The following TBC1D22A variants were observed in gnomAD, a reference collection of about 807,000 sequenced individuals.
The protein encoded by TBC1D22A is TBC1 domain family member 22A.
A neutral mutation model predicts 60.2 loss-of-function variants in TBC1D22A; 38 were observed. The observed-to-expected ratio is 0.63, with a 90% CI of 0.49 to 0.83. The LOEUF (loss-of-function observed/expected upper bound fraction) is 0.83. Ranked by LOEUF, TBC1D22A falls within the 40% of genes least tolerant of loss-of-function variation. The probability of loss-of-function intolerance (pLI) is 0.00; values close to 1 mark genes in which losing one functional copy is unlikely to be tolerated. For missense variants in TBC1D22A, 628 were observed against 701.0 expected, an observed-to-expected ratio of 0.90 and a Z score of 1.18; for synonymous variants, 302 against 281.7, an observed-to-expected ratio of 1.07 and a Z score of -0.72.
rs891102265 is a variant in TBC1D22A at position 47,140,298 on chromosome 22, G to A, written c.1425+28695G>A. On this transcript the variant is annotated intron_variant, in intron 12 of 12. Coordinates refer to ENST00000337137, the MANE Select transcript of TBC1D22A (RefSeq NM_014346.5). ...GTGAAAATGCTACTGTGGGCCGGGC[G>A]TGGTGGCTCACGCCTGTAATCCCAG... is the stretch of plus-strand genomic sequence containing the variant. 3.9e-5 allele frequency among the ~76,000 whole-genome samples: 6 copies of A among 152,126 alleles called. No homozygotes were observed. In the East Asian group the frequency reaches 7.7e-4, roughly 20 times the overall value.
rs138749582 is a variant in TBC1D22A, at chr22:47,174,019, C to T, written c.*393C>T. The T allele has an allele frequency of 5.3e-6, 1 of 188,798 alleles. No homozygotes were observed. Among genetic ancestry groups the T allele is most frequent in the East Asian group, 1.5e-4 (1 of 6,822 alleles). 11.7% of individuals were successfully genotyped at this position (188,798 alleles called of 1,614,324 possible). A position where few individuals can be genotyped will look rare whatever the true frequency, so the allele number is the denominator to read the frequency against. Reference sequence around the variant, plus strand: ...AGGGCCGGAACGAGGTAGTGGCCATCTCATACCTACTCTGAAATGCAAAAC... The same window carrying T: ...AGGGCCGGAACGAGGTAGTGGCCATTTCATACCTACTCTGAAATGCAAAAC... On this transcript the variant is annotated 3_prime_UTR_variant, in exon 13 of 13. Coordinates refer to ENST00000337137, the MANE Select transcript of TBC1D22A (RefSeq NM_014346.5).
At chr22:46,993,408 A>G (rs1195471203) in intron 9 of TBC1D22A, among the ~76,000 whole-genome samples, 1 of 152,204 alleles carries the variant, frequency 6.6e-6, no homozygotes, top group Non-Finnish European at 1.5e-5. Context: ...ATCCTTTTTT[A>G]AAGATACCAG....
At chr22:46,905,976 G>T (rs1008447412) in intron 7 of TBC1D22A, among the ~76,000 whole-genome samples, 1 of 152,184 alleles carries the variant, frequency 6.6e-6, no homozygotes, top group Non-Finnish European at 1.5e-5. Flanking sequence ...TGGGATGGCT[G>T]CCCCTTTTGC....
chr22:46,891,630 G>C (rs1033057212), intron 6 of TBC1D22A, among the ~76,000 whole-genome samples: 4 of 152,196 alleles, frequency 2.6e-5, no homozygotes, highest in Non-Finnish European at 4.4e-5. Flanking sequence ...AGTAAAAAGA[G>C]TATTTTAAAT....
chr22:47,157,549 C>A (rs2067774537), intron 12 of TBC1D22A, among the ~76,000 whole-genome samples: 1 of 152,230 alleles, frequency 6.6e-6, no homozygotes, highest in Admixed American at 6.5e-5. Flanking sequence ...TGCACCTGGC[C>A]TCGCAGGACG....
rs574768362 is a variant in TBC1D22A at position 47,159,379 on chromosome 22, A to G, written c.1426-14119A>G. Among the ~76,000 whole-genome samples, 576 of 151,714 alleles carry G rather than the reference A, an allele frequency of 3.8e-3. 9 individuals carry two copies. Among genetic ancestry groups the G allele is most frequent in the African/African-American group, 0.013 (542 of 41,200 alleles). ...AAAGCACATACACTCATGTATACAC[A>G]CAGACACACCACACACCACACTCTC... On this transcript the variant is annotated intron_variant, in intron 12 of 12. Coordinates refer to ENST00000337137, the MANE Select transcript of TBC1D22A (RefSeq NM_014346.5).
chr22:47,127,249 A>G (rs1301486862), intron 12 of TBC1D22A, among the ~76,000 whole-genome samples: 1 of 128,726 alleles, frequency 7.8e-6, no homozygotes, highest in African/African-American at 3.0e-5. Flanking sequence ...TTTTTTTGAG[A>G]CAGAGTCTTG....
At chr22:46,956,653 G>A (rs547569877) in intron 8 of TBC1D22A, among the ~76,000 whole-genome samples, 7 of 152,284 alleles carry the variant, frequency 4.6e-5, no homozygotes, top group South Asian at 2.1e-4. Flanking sequence ...AGTGCGTCTC[G>A]TGTGGTGTGT....
At chr22:46,826,781 C>T (rs1258363495) in intron 4 of TBC1D22A, among the ~76,000 whole-genome samples, 1 of 151,920 alleles carries the variant, frequency 6.6e-6, no homozygotes, top group Admixed American at 6.5e-5. Flanking sequence ...ACTGGACAAT[C>T]CCATAGCACC....
intron 4 of TBC1D22A, among the ~76,000 whole-genome samples, chr22:46,821,194 C>G (rs1435982012): frequency 6.6e-6 from 1 of 151,824 alleles, no homozygotes; most frequent in African/African-American, 2.4e-5. Context: ...ATCCAGTTTG[C>G]CAGTCTGTGT....
intron 8 of TBC1D22A, among the ~76,000 whole-genome samples, chr22:46,937,247 C>T (rs1416134320): frequency 6.6e-6 from 1 of 152,134 alleles, no homozygotes; most frequent in African/African-American, 2.4e-5. Context: ...GCATTCTAGC[C>T]TGCAGTTACC....
At position 47,173,740 on chromosome 22, in the gene TBC1D22A, G is replaced by T; in HGVS notation, c.*114G>T. ...GGCTGCTAAAAGGCCTTGTGAGGTG[G>T]CCCCACCCTCCAGGGGAGCTGGTGA... On this transcript the variant is annotated 3_prime_UTR_variant, in exon 13 of 13. Transcript: ENST00000337137. 6.6e-7 allele frequency: 1 copy of T among 1,505,108 alleles called. No homozygotes were observed. The highest frequency in any genetic ancestry group is 1.2e-5 in the South Asian group (1 of 82,876). 93.2% of individuals were successfully genotyped at this position (1,505,108 alleles called of 1,614,324 possible). A position where few individuals can be genotyped will look rare whatever the true frequency, so the allele number is the denominator to read the frequency against.
intron 12 of TBC1D22A, among the ~76,000 whole-genome samples, chr22:47,121,831 G>A (rs1368866914): frequency 1.3e-5 from 2 of 152,070 alleles, no homozygotes; most frequent in Admixed American, 6.5e-5. Context: ...TGTGAGGTTC[G>A]TGGCTTGGAG....
At chr22:47,075,462 T>A (rs1216436934) in intron 11 of TBC1D22A, among the ~76,000 whole-genome samples, 1 of 152,124 alleles carries the variant, frequency 6.6e-6, no homozygotes, top group Non-Finnish European at 1.5e-5. Flanking sequence ...GTGGTAGGAT[T>A]GCTTGAGGCC....
intron 11 of TBC1D22A, among the ~76,000 whole-genome samples, chr22:47,082,420 A>G: frequency 6.6e-6 from 1 of 152,208 alleles, no homozygotes; most frequent in Non-Finnish European, 1.5e-5. Flanking sequence ...TAATAGAATA[A>G]TAGAATCGAG....
At chr22:46,858,988 T>C (rs9627596) in intron 4 of TBC1D22A, among the ~76,000 whole-genome samples, 30,945 of 95,906 alleles carry the variant, frequency 0.32, 4,443 homozygotes, top group African/African-American at 0.41. Context: ...TGTGTAGTGC[T>C]GTGCCCCTTC....
At chr22:46,973,070 C>T (rs62225115) in intron 8 of TBC1D22A, among the ~76,000 whole-genome samples, 8,236 of 152,280 alleles carry the variant, frequency 0.054, 315 homozygotes, top group Non-Finnish European at 0.085. Context: ...TGGGAGGTGG[C>T]GTGTCACCTC....
intron 12 of TBC1D22A, among the ~76,000 whole-genome samples, chr22:47,158,380 G>A (rs1301720432): frequency 1.3e-5 from 2 of 152,204 alleles, no homozygotes; most frequent in Non-Finnish European, 2.9e-5. Context: ...TGAGAGTGGA[G>A]CACTTCTTCT....
chr22:46,807,642 T>G (rs1296469844), intron 4 of TBC1D22A, among the ~76,000 whole-genome samples: 1 of 152,204 alleles, frequency 6.6e-6, no homozygotes, highest in African/African-American at 2.4e-5. Flanking sequence ...GGCGGCAGGA[T>G]TCCTGTGATT....
Sources: allele counts gnomAD v4.1 joint callset (sites outside exome capture counted in the v4.1 genomes callset), GRCh38; gene constraint gnomAD v4.1.1; transcripts MANE v1.5; gene names NCBI Gene and HGNC (gene_info 2026-07-23, HGNC 2026-07-21).